XIAP: variants seen among roughly 807,000 people sequenced by gnomAD.
XIAP encodes E3 ubiquitin-protein ligase XIAP.
A neutral mutation model predicts 33.1 loss-of-function variants in XIAP; 3 were observed. The observed-to-expected ratio is 0.09, with a 90% CI of 0.04 to 0.23. XIAP has a LOEUF of 0.23. Among genes scored for constraint, XIAP ranks in the 10% least tolerant of loss-of-function variants. The probability of loss-of-function intolerance (pLI) is 1.00; values close to 1 mark genes in which losing one functional copy is unlikely to be tolerated. For synonymous variants in XIAP, 98 were observed against 121.3 expected, an observed-to-expected ratio of 0.81 and a Z score of 1.26; for missense variants, 264 against 363.0, an observed-to-expected ratio of 0.73 and a Z score of 2.22.
Position 123,910,451 on chromosome X carries a change from A to T in XIAP, c.*3270A>T. On this transcript the variant is annotated 3_prime_UTR_variant, in exon 7 of 7. Transcript: ENST00000371199. ...ACCGCCCCAGCATTAGTTTCACATG[A>T]TATACCCTTTAAACCCGAATCATTG... 3.0e-6 allele frequency: 1 copy of T among 329,875 alleles called. No homozygotes were observed. The highest frequency in any genetic ancestry group is 5.9e-6 in the Non-Finnish European group (1 of 170,054). 27.2% of individuals were successfully genotyped at this position (329,875 alleles called of 1,213,427 possible). A position where few individuals can be genotyped will look rare whatever the true frequency, so the allele number is the denominator to read the frequency against.
intron 1 of XIAP, among the ~76,000 whole-genome samples, chrX:123,870,017 T>C (rs1018822158): frequency 2.5e-4 from 28 of 112,661 alleles, no homozygotes; most frequent in African/African-American, 9.0e-4. Context: ...TGGAGTGCAG[T>C]GGCGCAATCT....
At chrX:123,899,144 A>AAATATAT (rs1186271285) in intron 5 of XIAP, among the ~76,000 whole-genome samples, 1 of 50,184 alleles carries the variant, frequency 2.0e-5, no homozygotes, top group Non-Finnish European at 3.5e-5. Context: ...AAAAAAAAAA[A>AAATATAT]ATATATATAT....
At position 123,892,732 on chromosome X, in the gene XIAP, T is replaced by C. The variant is rs148080493; in HGVS notation, c.1058T>C (p.Val353Ala). The C allele has an allele frequency of 8.3e-7, 1 of 1,198,488 alleles. No individual in the cohort carries two copies. The highest frequency in any genetic ancestry group is 1.8e-5 in the African/African-American group (1 of 57,123). ...TTACAGTTCCTATTTCTGTTACAGG[T>C]AAGAACTACTGAGAAAACACCATCA... Reference protein sequence around the residue: ...HLTHSLEECLVRTTEKTPSLT... With the variant: ...HLTHSLEECLARTTEKTPSLT... Residue 353 changes from valine to alanine, a missense_variant and splice_region_variant, in exon 5 of 7, where the codon GTA becomes GCA. Transcript: ENST00000371199.
intron 1 of XIAP, among the ~76,000 whole-genome samples, chrX:123,862,966 T>C (rs1352929823): frequency 9.0e-6 from 1 of 110,560 alleles, no homozygotes; most frequent in Non-Finnish European, 1.9e-5. Context: ...CTTGTGCCTG[T>C]AGTCCTAGCT....
At chrX:123,868,051 C>T (rs1164080224) in intron 1 of XIAP, among the ~76,000 whole-genome samples, 1 of 111,668 alleles carries the variant, frequency 9.0e-6, no homozygotes, top group African/African-American at 3.2e-5. Flanking sequence ...TGTAAAGTAA[C>T]AGGGTCAGGC....
At chrX:123,892,132 G>A (rs908442842) in intron 4 of XIAP, among the ~76,000 whole-genome samples, 3 of 111,506 alleles carry the variant, frequency 2.7e-5, no homozygotes, top group East Asian at 2.8e-4. Flanking sequence ...TTGGGAGGCC[G>A]AGGCAGATGG....
At chrX:123,874,963 T>A (rs2053230219) in intron 1 of XIAP, among the ~76,000 whole-genome samples, 1 of 100,181 alleles carries the variant, frequency 1.0e-5, no homozygotes. Flanking sequence ...TCCACCCACC[T>A]TAGCCCCCAA....
At chrX:123,867,234 CTAA>C (rs1199069918) in intron 1 of XIAP, among the ~76,000 whole-genome samples, 1 of 107,182 alleles carries the variant, frequency 9.3e-6, no homozygotes, top group African/African-American at 3.4e-5. Flanking sequence ...CCACGCCTGG[CTAA>C]TGTTTTTGTA....
chrX:123,899,447 T>C (rs1381507440), intron 5 of XIAP, among the ~76,000 whole-genome samples: 2 of 106,602 alleles, frequency 1.9e-5, no homozygotes, highest in Non-Finnish European at 3.8e-5. Flanking sequence ...AATATATATA[T>C]TTATCTGTGT....
At position 123,912,683 on chromosome X, in the gene XIAP, A is replaced by G. The variant is rs986288903; in HGVS notation, c.*5502A>G. 3 of 278,552 alleles carry G rather than the reference A, an allele frequency of 1.1e-5. No individual in the cohort carries two copies. The Admixed American group carries it at 1.2e-4, about 11-fold the overall frequency. 23.0% of individuals were successfully genotyped at this position (278,552 alleles called of 1,213,427 possible). ...AGATGTGCATACATTATATGCAAAT[A>G]CTGTTTTTTTTTTTTTTAATTTAAA... On this transcript the variant is annotated 3_prime_UTR_variant, in exon 7 of 7. Transcript: ENST00000371199.
intron 1 of XIAP, among the ~76,000 whole-genome samples, chrX:123,883,496 CTTT>C (rs137863947): frequency 1.1e-4 from 7 of 64,309 alleles, no homozygotes; most frequent in Admixed American, 1.9e-4. Context: ...CTTTTCTTTT[CTTT>C]TTTTTTTTTT....
chrX:123,861,427 TC>T (rs961050660), intron 1 of XIAP, among the ~76,000 whole-genome samples: 5 of 110,443 alleles, frequency 4.5e-5, no homozygotes, highest in South Asian at 3.8e-4. Context: ...TACTTGAGAT[TC>T]CCCCCCACCC....
chrX:123,873,061 C>G (rs1183511176), intron 1 of XIAP: 2 of 104,284 alleles, frequency 1.9e-5, no homozygotes, highest in African/African-American at 7.1e-5. Flanking sequence ...GACGAAATTT[C>G]GCTGTTGTTG....
At chrX:123,888,483 T>C in intron 2 of XIAP, 136 bp from the exon 3 acceptor site, 1 of 556,435 alleles carries the variant, frequency 1.8e-6, no homozygotes, top group Non-Finnish European at 3.2e-6. Context: ...GTTACTTAGA[T>C]GTGAATTTGA....
chrX:123,888,558 T>A, intron 2 of XIAP, 61 bp from the exon 3 acceptor site: 1 of 1,030,799 alleles, frequency 9.7e-7, no homozygotes, highest in African/African-American at 1.8e-5. Flanking sequence ...AGGTGTTAAA[T>A]GAATATTTTT....
intron 1 of XIAP, chrX:123,879,127 C>G (rs2053273381): frequency 9.1e-6 from 1 of 110,410 alleles, no homozygotes; most frequent in Admixed American, 9.9e-5. Flanking sequence ...ATAAAAGATC[C>G]CTGGGATGCT....
intron 1 of XIAP, among the ~76,000 whole-genome samples, chrX:123,869,533 GAAAAGA>G (rs1326241229): frequency 1.2e-5 from 1 of 82,281 alleles, no homozygotes; most frequent in Non-Finnish European, 2.4e-5. Flanking sequence ...CAAAAATAAA[GAAAAGA>G]AAAAAAAAAC....
At chrX:123,864,155 T>A (rs1243497742) in intron 1 of XIAP, among the ~76,000 whole-genome samples, 6 of 111,042 alleles carry the variant, frequency 5.4e-5, no homozygotes, top group Non-Finnish European at 9.4e-5. Flanking sequence ...TTTAGTAACA[T>A]AAATTTTACT....
intron 1 of XIAP, among the ~76,000 whole-genome samples, chrX:123,862,671 G>A (rs1358470651): frequency 1.8e-5 from 2 of 108,852 alleles, no homozygotes; most frequent in Middle Eastern, 4.7e-3. Flanking sequence ...GTCCAGACTG[G>A]CCAACATGGT....
Sources: gnomAD v4.1 joint callset for allele counts (sites outside exome capture counted in the v4.1 genomes callset) on GRCh38, gnomAD v4.1.1 for gene constraint, MANE v1.5 for transcripts, NCBI Gene and HGNC (gene_info 2026-07-23, HGNC 2026-07-21) for gene names.